The following PCDH15 variants were observed in gnomAD, a reference collection of about 807,000 sequenced individuals.
The protein encoded by PCDH15 is protocadherin-15.
A neutral mutation model predicts 178.5 loss-of-function variants in PCDH15; 129 were observed. The observed-to-expected ratio is 0.72, with a 90% confidence interval of 0.63 to 0.84. The LOEUF is 0.84. Ranked by LOEUF, PCDH15 falls within the 40% of genes least tolerant of loss-of-function variation. The pLI is 0.00. For missense variants in PCDH15, 2,230 were observed against 2,099.9 expected (o/e 1.06, Z -1.21); for synonymous variants, 800 against 732.0 (o/e 1.09, Z -1.50).
At chr10:55,125,163 T>TTTTGTGTGTGTGTGTGTG (rs1554833072) in intron 2 of PCDH15, among the ~76,000 whole-genome samples, 38 of 143,084 alleles carry the variant, frequency 2.7e-4, no homozygotes, top group Admixed American at 1.1e-3. Flanking sequence ...TTTTTTTTAA[T>TTTTGTGTGTGTGTGTGTG]TGTGTGTGTG....
At chr10:54,285,569 C>T (rs2058979591) in intron 8 of PCDH15, among the ~76,000 whole-genome samples, 1 of 151,968 alleles carries the variant, frequency 6.6e-6, no homozygotes, top group East Asian at 1.9e-4. Context: ...CAAAAAATAA[C>T]AAATAATGGC....
At chr10:55,203,318 A>C in intron 1 of PCDH15, among the ~76,000 whole-genome samples, 1 of 152,132 alleles carries the variant, frequency 6.6e-6, no homozygotes. Context: ...TATTATTACT[A>C]TTATTATAAC....
intron 2 of PCDH15, among the ~76,000 whole-genome samples, chr10:55,350,998 T>C (rs1452102392): frequency 2.1e-5 from 2 of 97,104 alleles, no homozygotes; most frequent in African/African-American, 8.2e-5. Flanking sequence ...CCTCCCCCTG[T>C]CTCCTCCCCC....
intron 2 of PCDH15, among the ~76,000 whole-genome samples, chr10:55,579,764 A>T (rs1842568870): frequency 6.6e-6 from 1 of 152,014 alleles, no homozygotes; most frequent in African/African-American, 2.4e-5. Context: ...ACTCTTATTC[A>T]TCCATTCACT....
intron 2 of PCDH15, among the ~76,000 whole-genome samples, chr10:55,489,986 C>T (rs915981800): frequency 1.3e-5 from 2 of 151,616 alleles, no homozygotes; most frequent in African/African-American, 4.8e-5. Flanking sequence ...TAAAGACCTG[C>T]TTTTACCCAT....
chr10:55,344,764 T>G (rs1259260299), intron 2 of PCDH15, among the ~76,000 whole-genome samples: 1 of 151,918 alleles, frequency 6.6e-6, no homozygotes, highest in East Asian at 1.9e-4. Context: ...AAAACAAATT[T>G]AGGAGTAATT....
chr10:54,421,913 T>A (rs1390467497), intron 3 of PCDH15, among the ~76,000 whole-genome samples: 1 of 15,506 alleles, frequency 6.4e-5, no homozygotes, highest in African/African-American at 5.9e-4. Flanking sequence ...ATATATACAC[T>A]ATATATATAT....
At chr10:54,178,214 T>C in intron 13 of PCDH15, among the ~76,000 whole-genome samples, 1 of 152,094 alleles carries the variant, frequency 6.6e-6, no homozygotes, top group Non-Finnish European at 1.5e-5. Flanking sequence ...AATAGACTGA[T>C]GGGATATCTA....
intron 3 of PCDH15, among the ~76,000 whole-genome samples, chr10:54,894,483 C>T (rs1004207724): frequency 2.0e-5 from 3 of 152,000 alleles, no homozygotes; most frequent in African/African-American, 7.2e-5. Context: ...ATAGAGGATA[C>T]AGCACAGGAA....
chr10:55,493,963 A>G (rs1488312720), intron 2 of PCDH15, among the ~76,000 whole-genome samples: 3 of 151,840 alleles, frequency 2.0e-5, no homozygotes, highest in Non-Finnish European at 4.4e-5. Context: ...CATGATTTTC[A>G]TATTTGACAA....
At chr10:53,884,272 G>C (rs2080938554) in intron 26 of PCDH15, among the ~76,000 whole-genome samples, 1 of 152,168 alleles carries the variant, frequency 6.6e-6, no homozygotes, top group Non-Finnish European at 1.5e-5. Context: ...TCTGGGAAAT[G>C]TAAGAAATCA....
chr10:54,766,014 T>C (rs1948470044), intron 1 of PCDH15, among the ~76,000 whole-genome samples: 2 of 151,668 alleles, frequency 1.3e-5, no homozygotes, highest in South Asian at 4.2e-4. Context: ...GAATCATCAC[T>C]TTTCCTCTGT....
Position 54,591,531 on chromosome 10 carries a change from T to C in PCDH15, c.92-63654A>G, listed in dbSNP as rs181717530. 2.6e-5 allele frequency among the ~76,000 whole-genome samples: 4 copies of C among 152,316 alleles called. No individual in the cohort carries two copies. The East Asian group carries it at 7.7e-4, about 29-fold the overall frequency. On this transcript the variant is annotated intron_variant, in intron 2 of 37. Coordinates refer to ENST00000644397, the MANE Select transcript of PCDH15 (RefSeq NM_001384140.1). Reference sequence around the variant, plus strand: ...TTAACCTGATTTTAATCGTCAGACCTGTGTCAAGCATGTGACTTAGAGAAG... The same window carrying C: ...TTAACCTGATTTTAATCGTCAGACCCGTGTCAAGCATGTGACTTAGAGAAG...
intron 2 of PCDH15, among the ~76,000 whole-genome samples, chr10:54,652,540 T>C (rs1055393114): frequency 6.6e-6 from 1 of 152,134 alleles, no homozygotes; most frequent in Non-Finnish European, 1.5e-5. Flanking sequence ...TCAACCTCTA[T>C]CCCCTAGTAA....
At chr10:54,183,201 C>A (rs1042388006) in intron 13 of PCDH15, among the ~76,000 whole-genome samples, 1 of 152,178 alleles carries the variant, frequency 6.6e-6, no homozygotes, top group African/African-American at 2.4e-5. Context: ...GAACTCCCGA[C>A]CTCAGGTGAT....
At chr10:55,020,919 C>A (rs941223750) in intron 2 of PCDH15, among the ~76,000 whole-genome samples, 1 of 152,150 alleles carries the variant, frequency 6.6e-6, no homozygotes, top group African/African-American at 2.4e-5. Context: ...TATTATCTAT[C>A]TTATCTTACG....
intron 2 of PCDH15, among the ~76,000 whole-genome samples, chr10:54,612,913 T>C (rs1026830422): frequency 6.6e-6 from 1 of 151,750 alleles, no homozygotes; most frequent in Admixed American, 6.6e-5. Context: ...TTTAAGGCAA[T>C]AGCATGAATA....
intron 3 of PCDH15, among the ~76,000 whole-genome samples, chr10:54,854,440 A>G (rs1376756367): frequency 6.6e-6 from 1 of 152,184 alleles, no homozygotes. Flanking sequence ...AGGAAGAATG[A>G]GGTACATAGA....
intron 2 of PCDH15, among the ~76,000 whole-genome samples, chr10:55,414,787 GTGTGTGTGTGTGTGTGTC>G: frequency 6.6e-6 from 1 of 150,776 alleles, no homozygotes; most frequent in South Asian, 2.1e-4. Context: ...GTGTGTGTGT[GTGTGTGTGTGTGTGTGTC>G]TGTGTGTGTG....
Sources: allele counts gnomAD v4.1 joint callset (sites outside exome capture counted in the v4.1 genomes callset), GRCh38; gene constraint gnomAD v4.1.1; transcripts MANE v1.5; gene names NCBI Gene and HGNC (gene_info 2026-07-23, HGNC 2026-07-21).